The following SGCZ variants were observed in gnomAD, a reference collection of about 807,000 sequenced individuals.
SGCZ encodes the protein sarcoglycan zeta.
SGCZ carries 40 observed loss-of-function variants against 41.3 expected under a neutral mutation model. The observed-to-expected ratio is 0.97, with a 90% CI of 0.75 to 1.26. SGCZ has a LOEUF of 1.26. Ranked by LOEUF, SGCZ falls within the 50% of genes most tolerant of loss-of-function variation. The pLI, the probability that SGCZ is intolerant of heterozygous loss-of-function variation, is 0.00. For missense variants in SGCZ, 552 were observed against 369.8 expected (o/e 1.49, Z -4.04); for synonymous variants, 206 against 137.5 (o/e 1.50, Z -3.49).
intron 1 of SGCZ, among the ~76,000 whole-genome samples, chr8:15,130,994 G>C (rs187652769): frequency 6.6e-6 from 1 of 152,144 alleles, no homozygotes; most frequent in Non-Finnish European, 1.5e-5. Flanking sequence ...TCAGCAGCCT[G>C]TAGTTTCAAA....
chr8:14,667,085 T>C (rs1231215871), intron 1 of SGCZ, among the ~76,000 whole-genome samples: 1 of 152,116 alleles, frequency 6.6e-6, no homozygotes, highest in African/African-American at 2.4e-5. Context: ...TAGTATTATC[T>C]TCAATATTCA....
At chr8:15,220,805 C>A (rs1460495635) in intron 1 of SGCZ, among the ~76,000 whole-genome samples, 1 of 152,116 alleles carries the variant, frequency 6.6e-6, no homozygotes, top group Non-Finnish European at 1.5e-5. Context: ...AAATGTGGCA[C>A]ATATACACCA....
At chr8:14,398,642 A>T (rs1052404084) in intron 2 of SGCZ, among the ~76,000 whole-genome samples, 7 of 147,312 alleles carry the variant, frequency 4.8e-5, no homozygotes, top group Non-Finnish European at 7.4e-5. Flanking sequence ...TATTTTTTTT[A>T]AAAACTGAGG....
chr8:14,430,087 G>C (rs1799899475), intron 2 of SGCZ, among the ~76,000 whole-genome samples: 1 of 151,998 alleles, frequency 6.6e-6, no homozygotes, highest in African/African-American at 2.4e-5. Context: ...TCCAAGACCA[G>C]ACAGATTCAC....
At chr8:14,929,227 G>A (rs967158804) in intron 1 of SGCZ, among the ~76,000 whole-genome samples, 4 of 152,044 alleles carry the variant, frequency 2.6e-5, no homozygotes, top group African/African-American at 2.4e-5. Flanking sequence ...TCCTGACCTC[G>A]TGATCCACCC....
rs1802063790 is a variant in SGCZ, at chr8:14,102,489, G to GTGAT, written c.627_630dup (p.Pro211IlefsTer73). 6.9e-7 allele frequency: 1 copy of GTGAT among 1,444,180 alleles called. No homozygotes were observed. Among genetic ancestry groups the GTGAT allele is most frequent in the Admixed American group, 2.1e-5 (1 of 48,336 alleles). The allele number at this position is 1,444,180 out of a possible 1,614,324, so 89.5% of individuals were successfully genotyped here. On this transcript the variant is annotated frameshift_variant, in exon 7 of 8. Transcript: ENST00000382080. LOFTEE classifies it high-confidence loss of function. ...GCTTCCATGATCAAGGATCTGGTGG[G>GTGAT]TGATTCAAGCCTAAGGGAAAAACAA...
intron 1 of SGCZ, among the ~76,000 whole-genome samples, chr8:14,567,782 C>T (rs1383156684): frequency 6.6e-6 from 1 of 152,186 alleles, no homozygotes; most frequent in African/African-American, 2.4e-5. Flanking sequence ...CACGAACCCA[C>T]TGGGAGGAAT....
chr8:14,385,258 A>G (rs1804532243), intron 2 of SGCZ, among the ~76,000 whole-genome samples: 2 of 152,158 alleles, frequency 1.3e-5, no homozygotes, highest in African/African-American at 4.8e-5. Flanking sequence ...CCAGTACACT[A>G]TTAAGAGAAT....
chr8:15,096,196 C>G (rs914570082), intron 1 of SGCZ, among the ~76,000 whole-genome samples: 1 of 151,980 alleles, frequency 6.6e-6, no homozygotes, highest in Non-Finnish European at 1.5e-5. Flanking sequence ...CCTGCCTCAG[C>G]CTCCCAAGAA....
chr8:14,329,495 ATGACAC>A (rs1411402380), intron 2 of SGCZ, among the ~76,000 whole-genome samples: 1 of 152,130 alleles, frequency 6.6e-6, no homozygotes, highest in Non-Finnish European at 1.5e-5. Context: ...TTCATTTCCA[ATGACAC>A]TATGACAGTT....
chr8:14,336,006 C>A (rs150051537), intron 2 of SGCZ, among the ~76,000 whole-genome samples: 137 of 152,136 alleles, frequency 9.0e-4, no homozygotes, highest in African/African-American at 3.3e-3. Context: ...TACAGATTAT[C>A]TCCTCAACAG....
chr8:14,420,267 A>G (rs975586513), intron 2 of SGCZ, among the ~76,000 whole-genome samples: 2 of 152,064 alleles, frequency 1.3e-5, no homozygotes, highest in African/African-American at 2.4e-5. Flanking sequence ...AATAGAAACA[A>G]AAGAAAAATA....
intron 2 of SGCZ, among the ~76,000 whole-genome samples, chr8:14,362,163 G>C (rs1417216431): frequency 6.6e-6 from 1 of 152,194 alleles, no homozygotes; most frequent in Admixed American, 6.5e-5. Context: ...TGAGGAGGCA[G>C]TCTGTCCATT....
Position 14,892,421 on chromosome 8 carries a change from G to A in SGCZ, c.40-337495C>T, listed in dbSNP as rs544368008. ...TGTGTCACTGATCTCTGTGAGATAC[G>A]ACTGTGATAAAGGAACTCTGTAACA... On this transcript the variant is annotated intron_variant, in intron 1 of 7. Coordinates refer to ENST00000382080, the MANE Select transcript of SGCZ (RefSeq NM_139167.4). Among the ~76,000 whole-genome samples the A allele has an allele frequency of 1.1e-4, 17 of 152,282 alleles. No homozygotes were observed. The South Asian group carries it at 2.3e-3, about 20-fold the overall frequency.
intron 1 of SGCZ, among the ~76,000 whole-genome samples, chr8:14,748,312 G>A (rs1384706097): frequency 2.0e-5 from 3 of 152,098 alleles, no homozygotes; most frequent in Non-Finnish European, 4.4e-5. Flanking sequence ...CAATGCCCAT[G>A]CTTTTAACTA....
chr8:14,333,702 C>G (rs1802414259), intron 2 of SGCZ, among the ~76,000 whole-genome samples: 1 of 152,058 alleles, frequency 6.6e-6, no homozygotes, highest in African/African-American at 2.4e-5. Context: ...CTCACATAAC[C>G]CACCTTTTAG....
intron 1 of SGCZ, among the ~76,000 whole-genome samples, chr8:15,129,588 A>T (rs2116969670): frequency 6.6e-6 from 1 of 151,618 alleles, no homozygotes; most frequent in Non-Finnish European, 1.5e-5. Flanking sequence ...AATGTTTCTT[A>T]TTACTTGAGA....
At chr8:14,806,985 T>C (rs1801556372) in intron 1 of SGCZ, among the ~76,000 whole-genome samples, 1 of 151,854 alleles carries the variant, frequency 6.6e-6, no homozygotes, top group African/African-American at 2.4e-5. Context: ...AAAAACCACA[T>C]GATTATCTCA....
chr8:14,457,845 A>C (rs184140419), intron 2 of SGCZ, among the ~76,000 whole-genome samples: 1,920 of 152,222 alleles, frequency 0.013, 16 homozygotes, highest in Middle Eastern at 0.031. Flanking sequence ...AATAAATAAC[A>C]GCGCAGCCAG....
Sources: allele counts gnomAD v4.1 joint callset (sites outside exome capture counted in the v4.1 genomes callset), GRCh38; gene constraint gnomAD v4.1.1; transcripts MANE v1.5; gene names NCBI Gene and HGNC (gene_info 2026-07-23, HGNC 2026-07-21).